Variants in SRGAP1 observed in about 807,000 individuals in gnomAD.
SRGAP1 encodes the protein SLIT-ROBO Rho GTPase-activating protein 1.
Under a neutral mutation model 121.9 loss-of-function variants are expected in SRGAP1, and 43 were observed. That is an observed-to-expected ratio of 0.35 (90% CI 0.28 to 0.46). The LOEUF (loss-of-function observed/expected upper bound fraction) is 0.46. Ranked by LOEUF, SRGAP1 falls within the 20% of genes least tolerant of loss-of-function variation. The pLI, the probability that SRGAP1 is intolerant of heterozygous loss-of-function variation, is 1.00. For missense variants in SRGAP1, 1,102 were observed against 1,350.9 expected (o/e 0.82, Z 2.89); for synonymous variants, 447 against 485.4 (o/e 0.92, Z 1.04).
At chr12:64,050,977 G>A (rs2035229664) in intron 6 of SRGAP1, among the ~76,000 whole-genome samples, 2 of 152,130 alleles carry the variant, frequency 1.3e-5, no homozygotes, top group South Asian at 4.1e-4. Context: ...GCCTACCTCG[G>A]CCTCCCAAAG....
At chr12:63,916,072 A>C (rs2136321872) in intron 1 of SRGAP1, among the ~76,000 whole-genome samples, 1 of 130,454 alleles carries the variant, frequency 7.7e-6, no homozygotes, top group Non-Finnish European at 1.6e-5. Flanking sequence ...TCACTCTGTC[A>C]CTCAGGCTGG....
At chr12:63,884,685 TCTTCCCG>T (rs1207817974) in intron 1 of SRGAP1, among the ~76,000 whole-genome samples, 1 of 151,066 alleles carries the variant, frequency 6.6e-6, no homozygotes, top group African/African-American at 2.4e-5. Context: ...ACCTCTCCCC[TCTTCCCG>T]CTTCCCAGTC....
intron 10 of SRGAP1, chr12:64,080,951 T>C (rs1317389667): frequency 6.1e-6 from 1 of 163,320 alleles, no homozygotes; most frequent in Non-Finnish European, 1.4e-5. Context: ...AAAGGCTTTC[T>C]CTGTGCCAGG....
chr12:64,137,157 G>A (rs183243322), intron 21 of SRGAP1, among the ~76,000 whole-genome samples: 3 of 151,950 alleles, frequency 2.0e-5, no homozygotes, highest in Non-Finnish European at 2.9e-5. Context: ...TGAGTTACTC[G>A]GGTGGCTGAG....
rs1316663613 is a variant in SRGAP1 at position 64,127,669 on chromosome 12, T to C, written c.2485T>C (p.Ser829Pro). Residue 829 changes from serine to proline, a missense_variant, in exon 20 of 22, where the codon TCA (serine) becomes CCA (proline). Transcript: ENST00000355086. ...TGGGCCAGTCACGGAAGACAAGTCCTCATCCAAGGACATGAACTCCCCGAC... is the reference window on the plus strand; with the variant it reads ...TGGGCCAGTCACGGAAGACAAGTCCCCATCCAAGGACATGAACTCCCCGAC... Reference protein sequence around the residue: ...SSGPVTEDKSSSKDMNSPTDR... With the variant: ...SSGPVTEDKSPSKDMNSPTDR... The C allele has an allele frequency of 1.2e-6, 2 of 1,614,102 alleles. No homozygotes were observed. Among genetic ancestry groups the C allele is most frequent in the Admixed American group, 3.3e-5 (2 of 60,022 alleles).
chr12:64,126,145 T>G lies in SRGAP1; in HGVS notation c.2393T>G (p.Val798Gly), dbSNP rs755976657. ...GGGCTGGTGCCTCACCAGTATATAGTGGTGCAGGATATGTGAGTAGTCTCA... is the reference window on the plus strand; with the variant it reads ...GGGCTGGTGCCTCACCAGTATATAGGGGTGCAGGATATGTGAGTAGTCTCA... ...IDGLVPHQYI[V>G]VQDMDDTFSD... Residue 798 changes from valine to glycine, a missense_variant, in exon 19 of 22, where the codon GTG (valine) becomes GGG (glycine). Around this residue, in one of 3 missense-constraint regions of SRGAP1, gnomAD observed 40 missense variants for 78.4 expected, o/e 0.51. Coordinates refer to ENST00000355086, the MANE Select transcript of SRGAP1 (RefSeq NM_020762.4). 6.2e-7 allele frequency: 1 copy of G among 1,613,594 alleles called. No individual in the cohort carries two copies. Among genetic ancestry groups the G allele is most frequent in the South Asian group, 1.1e-5 (1 of 91,016 alleles).
intron 6 of SRGAP1, among the ~76,000 whole-genome samples, chr12:64,045,934 TAC>T (rs2035121718): frequency 6.6e-6 from 1 of 152,156 alleles, no homozygotes; most frequent in African/African-American, 2.4e-5. Context: ...AGTACATGTA[TAC>T]ACACACACAT....
intron 1 of SRGAP1, among the ~76,000 whole-genome samples, chr12:63,943,291 A>G (rs1427331579): frequency 1.3e-5 from 2 of 152,228 alleles, no homozygotes; most frequent in African/African-American, 4.8e-5. Flanking sequence ...CTGATCATAC[A>G]ATGGAGAATA....
intron 1 of SRGAP1, among the ~76,000 whole-genome samples, chr12:63,953,032 G>T (rs2032346708): frequency 6.6e-6 from 1 of 152,156 alleles, no homozygotes; most frequent in Non-Finnish European, 1.5e-5. Context: ...TTCCCATTTT[G>T]CTGGAGAAAG....
At chr12:64,041,824 A>G (rs2035031078) in intron 4 of SRGAP1, among the ~76,000 whole-genome samples, 1 of 150,668 alleles carries the variant, frequency 6.6e-6, no homozygotes, top group South Asian at 2.1e-4. Flanking sequence ...TTATACTAAA[A>G]TCTTGTCAGT....
intron 1 of SRGAP1, among the ~76,000 whole-genome samples, chr12:63,876,378 G>C (rs565849116): frequency 6.6e-6 from 1 of 152,238 alleles, no homozygotes; most frequent in South Asian, 2.1e-4. Context: ...AGCCTGTTAT[G>C]GGAAGTATCA....
At chr12:63,875,599 A>G (rs1242606600) in intron 1 of SRGAP1, among the ~76,000 whole-genome samples, 1 of 152,234 alleles carries the variant, frequency 6.6e-6, no homozygotes, top group African/African-American at 2.4e-5. Context: ...AGTAAATAAG[A>G]TTATGAAAAA....
intron 1 of SRGAP1, among the ~76,000 whole-genome samples, chr12:63,943,554 T>C (rs2031939029): frequency 1.3e-5 from 2 of 152,240 alleles, no homozygotes; most frequent in Non-Finnish European, 2.9e-5. Flanking sequence ...TGGTAAGAAA[T>C]TTGAACCCAA....
Position 64,008,125 on chromosome 12 carries a change from T to G in SRGAP1, c.427-8825T>G, listed in dbSNP as rs562679760. Among the ~76,000 whole-genome samples the G allele has an allele frequency of 2.8e-4, 43 of 152,332 alleles. 1 individual carries two copies. The highest frequency in any genetic ancestry group is 2.8e-3 in the Admixed American group (43 of 15,304). The stretch of plus-strand genomic sequence containing the variant: ...TCATTTAATCCTTTTAACAACGCTA[T>G]GGAGTATATACTGTGATCTTTCCCT... On this transcript the variant is annotated intron_variant, in intron 3 of 21. Coordinates refer to ENST00000355086, the MANE Select transcript of SRGAP1 (RefSeq NM_020762.4).
At chr12:64,102,254 G>A (rs2036268401) in intron 15 of SRGAP1, among the ~76,000 whole-genome samples, 1 of 152,164 alleles carries the variant, frequency 6.6e-6, no homozygotes, top group African/African-American at 2.4e-5. Context: ...CCAACCTAAT[G>A]TTATGCAATT....
At chr12:64,007,572 G>C (rs1220008115) in intron 3 of SRGAP1, among the ~76,000 whole-genome samples, 6 of 152,134 alleles carry the variant, frequency 3.9e-5, no homozygotes, top group Non-Finnish European at 5.9e-5. Flanking sequence ...CTGATATAAG[G>C]AGCAGTTAAA....
intron 1 of SRGAP1, among the ~76,000 whole-genome samples, chr12:63,979,038 C>CTTTTTTTTTT (rs34235730): frequency 7.3e-5 from 6 of 82,154 alleles, no homozygotes; most frequent in Non-Finnish European, 1.1e-4. Context: ...ACCCTTTGAC[C>CTTTTTTTTTT]TTTTTTTTTT....
At chr12:64,106,146 CTTAACTTTA>C (rs2036342338) in intron 15 of SRGAP1, among the ~76,000 whole-genome samples, 2 of 152,110 alleles carry the variant, frequency 1.3e-5, no homozygotes, top group South Asian at 4.1e-4. Flanking sequence ...TAGCCTCGAC[CTTAACTTTA>C]AAATGAGGAT....
At chr12:64,081,397 A>T (rs1369100257) in intron 10 of SRGAP1, 1 of 152,126 alleles carries the variant, frequency 6.6e-6, no homozygotes, top group Non-Finnish European at 1.5e-5. Context: ...GGGAATGACC[A>T]CATGGAGAAA....
Sources: allele counts gnomAD v4.1 joint callset (sites outside exome capture counted in the v4.1 genomes callset), GRCh38; gene constraint gnomAD v4.1.1; regional missense constraint gnomAD v4.1.1; transcripts MANE v1.5; gene names NCBI Gene and HGNC (gene_info 2026-07-23, HGNC 2026-07-21).